Variants in TBC1D30 observed in about 807,000 individuals in gnomAD.
The protein encoded by TBC1D30 is TBC1 domain family member 30.
TBC1D30 carries 31 observed loss-of-function variants against 63.2 expected under a neutral mutation model. That is an observed-to-expected ratio of 0.49 (90% CI 0.37 to 0.66). The LOEUF is 0.66. TBC1D30 is among the 30% of genes least tolerant of loss of function. TBC1D30 has a pLI of 0.00. For missense variants in TBC1D30, 810 were observed against 953.6 expected (o/e 0.85, Z 1.98); for synonymous variants, 307 against 361.5 (o/e 0.85, Z 1.71).
Position 64,864,754 on chromosome 12 carries a change from C to T in TBC1D30, c.1125C>T (p.Ala375=), listed in dbSNP as rs749563540. The change falls in exon 9 of 12, where the codon GCC becomes GCT. Residue 375 remains alanine (A), a synonymous_variant. Transcript: ENST00000539867. ...KYTYNITPFP[A]TVKPTSVSGR... ...CCTACAACATTACACCGTTCCCAGC[C>T]ACAGTTAAACCCACCTCAGTTTCTG... 2 of 1,535,974 alleles carry T rather than the reference C, an allele frequency of 1.3e-6. No homozygotes were observed. Among genetic ancestry groups the T allele is most frequent in the South Asian group, 2.4e-5 (2 of 84,012 alleles).
chr12:64,830,103 C>G (rs1174847581), intron 3 of TBC1D30, among the ~76,000 whole-genome samples: 5 of 152,140 alleles, frequency 3.3e-5, no homozygotes, highest in African/African-American at 1.2e-4. Context: ...CTTGGTTTGT[C>G]TTTCTAACAG....
intron 8 of TBC1D30, among the ~76,000 whole-genome samples, chr12:64,853,341 C>T (rs1877032331): frequency 1.3e-5 from 2 of 152,180 alleles, no homozygotes; most frequent in African/African-American, 2.4e-5. Flanking sequence ...TCCCTACCCC[C>T]ACCAAGCTTG....
chr12:64,866,258 A>T (rs946024113), intron 9 of TBC1D30, among the ~76,000 whole-genome samples: 3 of 152,168 alleles, frequency 2.0e-5, no homozygotes, highest in Non-Finnish European at 4.4e-5. Context: ...AAATAAAAGC[A>T]TGTAGTCATA....
At chr12:64,817,128 G>A (rs1463680546) in intron 2 of TBC1D30, among the ~76,000 whole-genome samples, 1 of 152,244 alleles carries the variant, frequency 6.6e-6, no homozygotes. Context: ...AGGAGTATGC[G>A]GCGAAGACCT....
chr12:64,793,060 C>T (rs1195744831), intron 2 of TBC1D30, among the ~76,000 whole-genome samples: 1 of 152,122 alleles, frequency 6.6e-6, no homozygotes, highest in Non-Finnish European at 1.5e-5. Context: ...AGCAAGCTCG[C>T]TGGGTGTGGG....
Position 64,876,046 on chromosome 12 carries a change from AT to A in TBC1D30, c.*263del. On this transcript the variant is annotated 3_prime_UTR_variant, in exon 12 of 12. Transcript: ENST00000539867. ...GGTTTTATAGTGTGAAGTTTTCCCA[AT>A]TTTTCATTGTGAGCTGTTTAAAAAA... 1 of 412,688 alleles carries A rather than the reference AT, an allele frequency of 2.4e-6. No homozygotes were observed. 25.6% of individuals were successfully genotyped at this position (412,688 alleles called of 1,614,324 possible). A position where few individuals can be genotyped will look rare whatever the true frequency, so the allele number is the denominator to read the frequency against.
At chr12:64,822,875 G>T (rs1873972153), upstream of TBC1D30, among the ~76,000 whole-genome samples, 1 of 151,844 alleles carries the variant, frequency 6.6e-6, no homozygotes, top group Non-Finnish European at 1.5e-5. Flanking sequence ...GGGTCATCTT[G>T]TACTTTTTCT....
chr12:64,834,506 A>C (rs1875152645), intron 5 of TBC1D30, among the ~76,000 whole-genome samples: 1 of 150,278 alleles, frequency 6.7e-6, no homozygotes, highest in Admixed American at 6.7e-5. Context: ...TTCCAGGTTC[A>C]AGCAATTCTC....
intron 2 of TBC1D30, among the ~76,000 whole-genome samples, chr12:64,807,500 A>T (rs1872937787): frequency 6.6e-6 from 1 of 152,232 alleles, no homozygotes; most frequent in Non-Finnish European, 1.5e-5. Context: ...AACACTACTG[A>T]AGTGTACACA....
At chr12:64,787,916 C>G (rs1871689860) in intron 2 of TBC1D30, among the ~76,000 whole-genome samples, 1 of 152,062 alleles carries the variant, frequency 6.6e-6, no homozygotes, top group African/African-American at 2.4e-5. Flanking sequence ...CATCTGTAAT[C>G]CCAGCTACTC....
chr12:64,842,566 G>T (rs1875973445), intron 7 of TBC1D30, among the ~76,000 whole-genome samples: 1 of 152,090 alleles, frequency 6.6e-6, no homozygotes. Flanking sequence ...ACCCTGAGAA[G>T]AACTCAGAAA....
At chr12:64,781,992 C>T (rs1370726576) in intron 1 of TBC1D30, among the ~76,000 whole-genome samples, 1 of 151,526 alleles carries the variant, frequency 6.6e-6, no homozygotes. Flanking sequence ...GAGAAAATGG[C>T]CTTGGCTTTC....
intron 1 of TBC1D30, among the ~76,000 whole-genome samples, chr12:64,763,428 G>A (rs1194805164): frequency 6.6e-6 from 1 of 151,998 alleles, no homozygotes; most frequent in Non-Finnish European, 1.5e-5. Flanking sequence ...GTGTATTTAA[G>A]GTGTACAACA....
chr12:64,818,462 T>A, intron 2 of TBC1D30: 1 of 929,898 alleles, frequency 1.1e-6, no homozygotes, highest in Middle Eastern at 5.5e-4. Flanking sequence ...TTAGACAGTC[T>A]CGTGCTGTTG....
chr12:64,878,296 T>A lies in TBC1D30; in HGVS notation c.*2508T>A, dbSNP rs1030382107. 2.8e-6 allele frequency: 1 copy of A among 352,002 alleles called. No individual in the cohort carries two copies. The highest frequency in any genetic ancestry group is 2.1e-5 in the African/African-American group (1 of 46,836). 21.8% of individuals were successfully genotyped at this position (352,002 alleles called of 1,614,324 possible). A position where few individuals can be genotyped will look rare whatever the true frequency, so the allele number is the denominator to read the frequency against. Reference sequence around the variant, plus strand: ...GAAAATAAAGAAACCTGCAGTAGCCTCTACCACACAGCATGTACAAAGACC... The same window carrying A: ...GAAAATAAAGAAACCTGCAGTAGCCACTACCACACAGCATGTACAAAGACC... On this transcript the variant is annotated 3_prime_UTR_variant, in exon 12 of 12. Coordinates refer to ENST00000539867, the MANE Select transcript of TBC1D30 (RefSeq NM_015279.2).
At chr12:64,808,054 C>T (rs895885676) in intron 2 of TBC1D30, among the ~76,000 whole-genome samples, 1 of 151,682 alleles carries the variant, frequency 6.6e-6, no homozygotes, top group African/African-American at 2.4e-5. Flanking sequence ...CTATGCCCAG[C>T]CAGAAAAATA....
At chr12:64,872,782 G>A (rs1189170539) in intron 11 of TBC1D30, among the ~76,000 whole-genome samples, 1 of 152,190 alleles carries the variant, frequency 6.6e-6, no homozygotes, top group African/African-American at 2.4e-5. Context: ...AATCATGGTG[G>A]AAGGCAAGGA....
chr12:64,807,672 G>A (rs561485048), intron 2 of TBC1D30, among the ~76,000 whole-genome samples: 1 of 152,118 alleles, frequency 6.6e-6, no homozygotes, highest in East Asian at 1.9e-4. Context: ...ACTAATCGTG[G>A]ATCAAAAGCT....
chr12:64,834,054 A>G (rs1240702293), intron 5 of TBC1D30, among the ~76,000 whole-genome samples: 3 of 152,168 alleles, frequency 2.0e-5, no homozygotes, highest in African/African-American at 7.2e-5. Flanking sequence ...ACGTAAAAAT[A>G]TGGATTAGAT....
Sources: allele counts gnomAD v4.1 joint callset (sites outside exome capture counted in the v4.1 genomes callset), GRCh38; gene constraint gnomAD v4.1.1; transcripts MANE v1.5; gene names NCBI Gene and HGNC (gene_info 2026-07-23, HGNC 2026-07-21).